The following FOXN4 variants were observed in gnomAD, a reference collection of about 807,000 sequenced individuals.
FOXN4 encodes the protein forkhead box protein N4.
Under a neutral mutation model 45.0 loss-of-function variants are expected in FOXN4, and 12 were observed. The observed-to-expected ratio is 0.27, with a 90% CI of 0.17 to 0.43. The LOEUF (loss-of-function observed/expected upper bound fraction) is 0.43. Ranked by LOEUF, FOXN4 falls within the 20% of genes least tolerant of loss-of-function variation. FOXN4 has a pLI of 1.00. For missense variants in FOXN4, 560 were observed against 694.9 expected (o/e 0.81, Z 2.18); for synonymous variants, 297 against 295.0 (o/e 1.01, Z -0.07).
In FOXN4 at chr12:109,283,545, G is replaced by A. The variant is rs562555130; in HGVS notation, c.902-1746C>T. 2.7e-4 allele frequency among the ~76,000 whole-genome samples: 40 copies of A among 149,898 alleles called. No homozygotes were observed. In the South Asian group the frequency reaches 7.2e-3, roughly 27 times the overall value. On this transcript the variant is annotated intron_variant, in intron 8 of 9. Transcript: ENST00000299162. ...GGCTGGAGTACAGTGGCTTGATCTCGGGTCACTGCAACCTCCGCCTCCTGG... is the reference window on the plus strand; with the variant it reads ...GGCTGGAGTACAGTGGCTTGATCTCAGGTCACTGCAACCTCCGCCTCCTGG...
chr12:109,286,524 A>C (rs1278762620), intron 7 of FOXN4, 124 bp downstream of exon 7: 1 of 887,750 alleles, frequency 1.1e-6, no homozygotes, highest in African/African-American at 1.7e-5. Context: ...ACATGTCCTA[A>C]CCACCAGATG....
rs183149780 is a variant in FOXN4, at chr12:109,298,208, T to G, written c.87-7922A>C. Among the ~76,000 whole-genome samples the G allele has an allele frequency of 2.2e-3, 331 of 152,102 alleles. 1 individual carries two copies. The highest frequency in any genetic ancestry group is 7.3e-3 in the African/African-American group (302 of 41,502). On this transcript the variant is annotated intron_variant, in intron 2 of 9. Coordinates refer to ENST00000299162, the MANE Select transcript of FOXN4 (RefSeq NM_213596.3). ...AAAACAGGAGCTGTGCATTAGGGCA[T>G]CTCACAAAGTTGTGAGCCCCCCGTC...
chr12:109,308,000 G>A (rs1421246555), intron 2 of FOXN4, among the ~76,000 whole-genome samples: 1 of 152,072 alleles, frequency 6.6e-6, no homozygotes, highest in East Asian at 1.9e-4. Context: ...ATGCAGAAAC[G>A]GACCTCTTTT....
At chr12:109,298,455 G>A (rs1193421563) in intron 2 of FOXN4, among the ~76,000 whole-genome samples, 2 of 150,726 alleles carry the variant, frequency 1.3e-5, no homozygotes, top group African/African-American at 4.9e-5. Flanking sequence ...TCCGCCTCCC[G>A]GGTTCAAGGA....
At chr12:109,293,571 C>T (rs1421500406) in intron 2 of FOXN4, among the ~76,000 whole-genome samples, 2 of 152,208 alleles carry the variant, frequency 1.3e-5, no homozygotes, top group Admixed American at 6.5e-5. Flanking sequence ...GATCTCGGCT[C>T]ACTGCAACCT....
At chr12:109,285,138 G>A (rs1051422460) in intron 8 of FOXN4, 166 bp downstream of exon 8, 13 of 357,746 alleles carry the variant, frequency 3.6e-5, no homozygotes, top group African/African-American at 1.8e-4. Context: ...GTGCGTGTGC[G>A]TGTATTTGTG....
At chr12:109,286,784 C>T (rs760523414) in intron 6 of FOXN4, 40 bp from the exon 7 acceptor site, 1 of 1,572,018 alleles carries the variant, frequency 6.4e-7, no homozygotes, top group South Asian at 1.2e-5. Context: ...CAGGGCAGGA[C>T]AGGGCAGGCC....
At chr12:109,301,969 C>A (rs1167831488) in intron 2 of FOXN4, among the ~76,000 whole-genome samples, 1 of 152,192 alleles carries the variant, frequency 6.6e-6, no homozygotes, top group East Asian at 1.9e-4. Context: ...CCAGGAAGCC[C>A]TCCCAGACCA....
chr12:109,286,267 A>G (rs1325235880), intron 7 of FOXN4, among the ~76,000 whole-genome samples: 1 of 152,016 alleles, frequency 6.6e-6, no homozygotes, highest in Non-Finnish European at 1.5e-5. Context: ...CAGGATCCTC[A>G]CTGACCCTGC....
intron 8 of FOXN4, among the ~76,000 whole-genome samples, chr12:109,283,342 T>A (rs554162399): frequency 6.6e-6 from 1 of 152,304 alleles, no homozygotes; most frequent in Admixed American, 6.5e-5. Context: ...TTTATTCTCA[T>A]TCTCTCACTC....
Position 109,309,187 on chromosome 12 carries a change from C to G in FOXN4, c.-72G>C, listed in dbSNP as rs919089452. 2.0e-5 allele frequency: 3 copies of G among 152,332 alleles called. No homozygotes were observed. The highest frequency in any genetic ancestry group is 4.4e-5 in the Non-Finnish European group (3 of 68,158). 9.4% of individuals were successfully genotyped at this position (152,332 alleles called of 1,614,324 possible). A position where few individuals can be genotyped will look rare whatever the true frequency, so the allele number is the denominator to read the frequency against. ...GGTGGGCAGGGGTTCCGGAGGGGGG[C>G]TCCCTCGCGCTCGCCCCTCGCGTTC... On this transcript the variant is annotated 5_prime_UTR_variant, in exon 1 of 10. Transcript: ENST00000299162. The surrounding 1 kb of genome is among the most constrained non-coding windows in gnomAD (Gnocchi z 5.0).
intron 9 of FOXN4, 62 bp downstream of exon 9, chr12:109,281,345 T>C (rs2047649805): frequency 6.3e-7 from 1 of 1,586,786 alleles, no homozygotes; most frequent in African/African-American, 1.3e-5. Context: ...CCTCACTCCC[T>C]TTGGCCCCCG....
At chr12:109,307,077 C>T (rs2047927904) in intron 2 of FOXN4, among the ~76,000 whole-genome samples, 1 of 152,262 alleles carries the variant, frequency 6.6e-6, no homozygotes, top group African/African-American at 2.4e-5. Flanking sequence ...CAGCTCTGCA[C>T]ACAGCAGGCT....
intron 8 of FOXN4, among the ~76,000 whole-genome samples, chr12:109,284,091 C>G (rs1565997791): frequency 6.6e-6 from 1 of 152,220 alleles, no homozygotes; most frequent in Non-Finnish European, 1.5e-5. Flanking sequence ...ATATACGAAG[C>G]TCTCTATTGT....
chr12:109,288,045 G>C lies in FOXN4; in HGVS notation c.357+11C>G. ...CTACCCGCCCTCCGCAGTCCATGCAGTGCCACTTACGCTGTCTCTGTGGCC... is the reference window on the plus strand; with the variant it reads ...CTACCCGCCCTCCGCAGTCCATGCACTGCCACTTACGCTGTCTCTGTGGCC... On this transcript the variant is annotated intron_variant, in intron 4 of 9. Coordinates refer to ENST00000299162, the MANE Select transcript of FOXN4 (RefSeq NM_213596.3). This position sits in a 1 kb window ranked among gnomAD's most constrained non-coding sequence, Gnocchi z 4.3. 6.4e-7 allele frequency: 1 copy of C among 1,550,526 alleles called. No homozygotes were observed. Among genetic ancestry groups the C allele is most frequent in the Non-Finnish European group, 8.7e-7 (1 of 1,146,820 alleles).
At chr12:109,289,400 C>G (rs12368972) in intron 3 of FOXN4, among the ~76,000 whole-genome samples, 56,840 of 152,116 alleles carry the variant, frequency 0.37, 11,780 homozygotes, top group East Asian at 0.55. Context: ...ACTACCTGGC[C>G]CTTGACAGAA....
intron 9 of FOXN4, among the ~76,000 whole-genome samples, 176 bp downstream of exon 9, chr12:109,281,231 G>C (rs1395103200): frequency 6.6e-6 from 1 of 152,160 alleles, no homozygotes; most frequent in Non-Finnish European, 1.5e-5. Context: ...AAAATTTTTG[G>C]ATTTTGGAGC....
At chr12:109,308,651 C>T (rs528979906) in intron 1 of FOXN4, among the ~76,000 whole-genome samples, 1 of 152,152 alleles carries the variant, frequency 6.6e-6, no homozygotes, top group South Asian at 2.1e-4. Flanking sequence ...ATCAGAAAAA[C>T]GATTTCCTTC....
intron 2 of FOXN4, among the ~76,000 whole-genome samples, chr12:109,294,744 CA>C (rs1280005318): frequency 1.4e-5 from 2 of 145,642 alleles, no homozygotes; most frequent in African/African-American, 2.6e-5. Context: ...CTAGGGCCTA[CA>C]TGAGAATGTC....
Sources: allele counts gnomAD v4.1 joint callset (sites outside exome capture counted in the v4.1 genomes callset), GRCh38; gene constraint gnomAD v4.1.1; non-coding constraint Gnocchi (gnomAD v3.1); transcripts MANE v1.5; gene names NCBI Gene and HGNC (gene_info 2026-07-23, HGNC 2026-07-21).